The following DENND1A variants were observed in gnomAD, a reference collection of about 807,000 sequenced individuals.
DENND1A encodes DENN domain-containing protein 1A.
A neutral mutation model predicts 113.7 loss-of-function variants in DENND1A; 51 were observed. The observed-to-expected ratio is 0.45, with a 90% CI of 0.36 to 0.57. The LOEUF is 0.57. Among genes scored for constraint, DENND1A ranks in the 20% least tolerant of loss-of-function variants. The probability of loss-of-function intolerance (pLI) is 0.00; values close to 1 mark genes in which losing one functional copy is unlikely to be tolerated. For synonymous variants in DENND1A, 565 were observed against 570.8 expected (o/e 0.99, Z 0.14); for missense variants, 1,258 against 1,395.9 (o/e 0.90, Z 1.57).
At position 123,382,480 on chromosome 9, in the gene DENND1A, G is replaced by A. The variant is rs149353656; in HGVS notation, c.2165C>T (p.Ser722Leu). The A allele has an allele frequency of 5.9e-3, 9,457 of 1,613,878 alleles. 50 individuals are homozygous for A. The highest frequency in any genetic ancestry group is 0.016 in the Middle Eastern group (94 of 6,060). Reference sequence around the variant, plus strand: ...GGCCAGGGAGTTTCCGAGCAGGGCTGAGGGCTTCTCAGGGGAGGCAGCTGG... The same window carrying A: ...GGCCAGGGAGTTTCCGAGCAGGGCTAAGGGCTTCTCAGGGGAGGCAGCTGG... ...KPPAASPEKP[S>L]ALLGNSLALP... The change falls in exon 24 of 24, where the codon TCA becomes TTA. Residue 722 changes from serine (S) to leucine (L), a missense_variant. Physicochemically the swap from Ser to Leu is moderately radical, Grantham distance 145. Around this residue, in one of 2 missense-constraint regions of DENND1A, gnomAD observed 1,159 missense variants for 1,231.7 expected, o/e 0.94. Transcript: ENST00000394215.
intron 22 of DENND1A, 45 bp from the exon 23 acceptor site, chr9:123,383,958 G>A (rs769795344): frequency 3.8e-5 from 60 of 1,578,430 alleles, no homozygotes; most frequent in Non-Finnish European, 4.8e-5. Context: ...CAGGCCTTCA[G>A]GGGAGGAGCA....
intron 11 of DENND1A, among the ~76,000 whole-genome samples, chr9:123,601,094 G>A (rs1317658460): frequency 6.6e-6 from 1 of 152,086 alleles, no homozygotes; most frequent in Non-Finnish European, 1.5e-5. Flanking sequence ...ATGATGATAG[G>A]AAAATACGAA....
intron 2 of DENND1A, among the ~76,000 whole-genome samples, chr9:123,846,532 G>A (rs1842643111): frequency 6.6e-6 from 1 of 152,176 alleles, no homozygotes; most frequent in South Asian, 2.1e-4. Context: ...GAGGAATGAA[G>A]TTCTGTACAT....
intron 5 of DENND1A, among the ~76,000 whole-genome samples, chr9:123,677,427 TTTTGTTTG>T (rs375265120): frequency 9.0e-4 from 137 of 152,158 alleles, no homozygotes; most frequent in Admixed American, 1.0e-3. Flanking sequence ...GTGGCTTGTT[TTTTGTTTG>T]TTTGTTTGTT....
chr9:123,622,014 C>G (rs2060988244), intron 10 of DENND1A, among the ~76,000 whole-genome samples: 1 of 152,198 alleles, frequency 6.6e-6, no homozygotes, highest in African/African-American at 2.4e-5. Flanking sequence ...TCAGAGAGAT[C>G]TGAGCATCCC....
rs1564598042 is a variant in DENND1A at position 123,495,171 on chromosome 9, T to TCTCTCTCTCTCTC, written c.994-37275_994-37274insGAGAGAGAGAGAG. ...TCTCTCTCTCTCTCTCTCTCTCTCT[T>TCTCTCTCTCTCTC]ATAATGTCTGTTTCCCTCACAGGGC... On this transcript the variant is annotated intron_variant, in intron 13 of 23. Coordinates refer to ENST00000394215, the MANE Select transcript of DENND1A (RefSeq NM_001352964.2). Among the ~76,000 whole-genome samples, 135 of 76,356 alleles carry TCTCTCTCTCTCTC rather than the reference T, an allele frequency of 1.8e-3. 2 individuals carry two copies. Among genetic ancestry groups the TCTCTCTCTCTCTC allele is most frequent in the African/African-American group, 8.4e-3 (123 of 14,688 alleles). 50.1% of individuals were successfully genotyped at this position (76,356 alleles called of 152,430 possible). A position where few individuals can be genotyped will look rare whatever the true frequency, so the allele number is the denominator to read the frequency against.
chr9:123,645,487 G>A (rs1261907661), intron 9 of DENND1A, among the ~76,000 whole-genome samples: 1 of 152,082 alleles, frequency 6.6e-6, no homozygotes, highest in Non-Finnish European at 1.5e-5. Flanking sequence ...CAACAATTGG[G>A]AAACTTTCAA....
chr9:123,547,329 G>T (rs1196129649), intron 13 of DENND1A, among the ~76,000 whole-genome samples: 1 of 152,196 alleles, frequency 6.6e-6, no homozygotes, highest in East Asian at 1.9e-4. Flanking sequence ...TGGGAGTTTG[G>T]GACCAGCCTG....
At position 123,690,117 on chromosome 9, in the gene DENND1A, A is replaced by C. The variant is rs76474976; in HGVS notation, c.303-13328T>G. Among the ~76,000 whole-genome samples the C allele has an allele frequency of 7.3e-3, 424 of 57,934 alleles. 1 individual carries two copies. The highest frequency in any genetic ancestry group is 0.014 in the Middle Eastern group (1 of 70). 38.0% of individuals were successfully genotyped at this position (57,934 alleles called of 152,430 possible). On this transcript the variant is annotated intron_variant, in intron 5 of 23. Transcript: ENST00000394215. ...GGGAGGGAGGGAGGGAGGAAGAAAA[A>C]GGAGGGAGGGGGGAAGAAGGAAAGG...
At chr9:123,685,441 A>G (rs1236393454) in intron 5 of DENND1A, among the ~76,000 whole-genome samples, 1 of 152,226 alleles carries the variant, frequency 6.6e-6, no homozygotes, top group Admixed American at 6.5e-5. Context: ...TATGTACTGA[A>G]TGAGTAGAAA....
intron 13 of DENND1A, among the ~76,000 whole-genome samples, chr9:123,464,292 C>A (rs944972597): frequency 6.6e-6 from 1 of 152,196 alleles, no homozygotes; most frequent in Non-Finnish European, 1.5e-5. Flanking sequence ...ACATTATGTT[C>A]ATAGCAGCTC....
chr9:123,783,805 C>T (rs974563132), intron 3 of DENND1A, among the ~76,000 whole-genome samples: 1 of 152,170 alleles, frequency 6.6e-6, no homozygotes, highest in Non-Finnish European at 1.5e-5. Flanking sequence ...ACTGAGCCCC[C>T]AATCTGTCCT....
At chr9:123,760,630 C>T (rs1017652656) in intron 4 of DENND1A, among the ~76,000 whole-genome samples, 1 of 152,188 alleles carries the variant, frequency 6.6e-6, no homozygotes, top group Admixed American at 6.5e-5. Context: ...CCAAACGCTA[C>T]CTTCCTATGC....
intron 12 of DENND1A, among the ~76,000 whole-genome samples, chr9:123,563,049 C>T (rs1446581967): frequency 1.3e-5 from 2 of 152,012 alleles, no homozygotes; most frequent in East Asian, 1.9e-4. Flanking sequence ...TCTTTAGTGA[C>T]GGATCATTAG....
intron 3 of DENND1A, among the ~76,000 whole-genome samples, chr9:123,772,007 G>GA (rs1162119284): frequency 6.6e-6 from 1 of 151,848 alleles, no homozygotes; most frequent in Non-Finnish European, 1.5e-5. Flanking sequence ...GCTGTCAGAA[G>GA]AAAAAACAAA....
intron 5 of DENND1A, among the ~76,000 whole-genome samples, chr9:123,743,458 G>A (rs561016229): frequency 2.8e-4 from 41 of 148,960 alleles, no homozygotes; most frequent in East Asian, 8.0e-4. Flanking sequence ...TAGGCCGGGC[G>A]CGGTGGCTCA....
chr9:123,791,943 T>A (rs772041549), intron 3 of DENND1A, among the ~76,000 whole-genome samples: 1 of 152,192 alleles, frequency 6.6e-6, no homozygotes, highest in Admixed American at 6.5e-5. Context: ...CCTGAATGTA[T>A]AACCTAGAAC....
chr9:123,547,367 T>C (rs2056768683), intron 13 of DENND1A, among the ~76,000 whole-genome samples: 1 of 152,184 alleles, frequency 6.6e-6, no homozygotes, highest in Non-Finnish European at 1.5e-5. Context: ...CTGTTTCTAC[T>C]AAAAATACAA....
At chr9:123,482,198 A>C (rs1445387881) in intron 13 of DENND1A, among the ~76,000 whole-genome samples, 1 of 152,178 alleles carries the variant, frequency 6.6e-6, no homozygotes, top group African/African-American at 2.4e-5. Flanking sequence ...CCCAGGTTCA[A>C]GTGATTCTTG....
Sources: allele counts gnomAD v4.1 joint callset (sites outside exome capture counted in the v4.1 genomes callset), GRCh38; gene constraint gnomAD v4.1.1; regional missense constraint gnomAD v4.1.1; transcripts MANE v1.5; gene names NCBI Gene and HGNC (gene_info 2026-07-23, HGNC 2026-07-21).